Variants in SUGCT observed in about 807,000 individuals in gnomAD.
The protein encoded by SUGCT is succinyl-CoA:glutarate-CoA transferase.
A neutral mutation model predicts 55.0 loss-of-function variants in SUGCT; 41 were observed. That is an observed-to-expected ratio of 0.74 (90% CI 0.58 to 0.97). SUGCT has a LOEUF of 0.97. Among genes scored for constraint, SUGCT ranks in the 50% least tolerant of loss-of-function variants. SUGCT has a pLI of 0.00. For missense variants in SUGCT, 568 were observed against 547.8 expected (o/e 1.04, Z -0.37); for synonymous variants, 187 against 200.4 (o/e 0.93, Z 0.56).
intron 1 of SUGCT, among the ~76,000 whole-genome samples, chr7:40,148,380 C>T (rs776984547): frequency 2.0e-4 from 31 of 152,140 alleles, no homozygotes; most frequent in Non-Finnish European, 1.3e-4. Flanking sequence ...CGCGGTGGCT[C>T]ATGCTTGTAA....
At position 40,430,610 on chromosome 7, in the gene SUGCT, A is replaced by C. The variant is rs1212549451; in HGVS notation, c.817-18677A>C. On this transcript the variant is annotated intron_variant, in intron 9 of 13. Transcript: ENST00000335693. Reference sequence around the variant, plus strand: ...GCATAGATTGTTTTCCCAATCTCTAAGTTGCTGGTCTGTTTTGTTTATGGT... The same window carrying C: ...GCATAGATTGTTTTCCCAATCTCTACGTTGCTGGTCTGTTTTGTTTATGGT... 2.0e-5 allele frequency among the ~76,000 whole-genome samples: 3 copies of C among 152,250 alleles called. No individual in the cohort carries two copies. In the East Asian group the frequency reaches 5.8e-4, roughly 29 times the overall value.
chr7:40,190,123 G>C (rs1269975364), intron 5 of SUGCT, among the ~76,000 whole-genome samples: 2 of 152,088 alleles, frequency 1.3e-5, no homozygotes, highest in Non-Finnish European at 2.9e-5. Flanking sequence ...TTAAATTAAG[G>C]GTGGATACCT....
At chr7:40,759,399 T>C (rs1788424048) in intron 13 of SUGCT, among the ~76,000 whole-genome samples, 1 of 152,206 alleles carries the variant, frequency 6.6e-6, no homozygotes, top group African/African-American at 2.4e-5. Context: ...TGTCTATATA[T>C]GGTATATATA....
Position 40,369,672 on chromosome 7 carries a change from T to G in SUGCT, c.816+52817T>G, listed in dbSNP as rs367734689. Reference sequence around the variant, plus strand: ...AGAGGCATGTAAAGGTTGAATCCAATCTGGATTAGGATTAATGTCAGAGAT... The same window carrying G: ...AGAGGCATGTAAAGGTTGAATCCAAGCTGGATTAGGATTAATGTCAGAGAT... On this transcript the variant is annotated intron_variant, in intron 9 of 13. Transcript: ENST00000335693. Among the ~76,000 whole-genome samples the G allele has an allele frequency of 2.0e-4, 30 of 152,228 alleles. 1 individual carries two copies. The South Asian group carries it at 6.2e-3, about 32-fold the overall frequency.
chr7:40,875,168 A>G, the SUGCT span, among the ~76,000 whole-genome samples: 2 of 152,232 alleles, frequency 1.3e-5, no homozygotes, highest in African/African-American at 2.4e-5. Flanking sequence ...TGTGTCTCAC[A>G]CATCTTTTGT....
intron 12 of SUGCT, among the ~76,000 whole-genome samples, chr7:40,728,486 C>G (rs192700337): frequency 6.6e-6 from 1 of 152,106 alleles, no homozygotes; most frequent in Admixed American, 6.5e-5. Context: ...ACCTTTCACT[C>G]CAGCCTGGGC....
chr7:40,618,337 C>A (rs909337170), intron 12 of SUGCT, among the ~76,000 whole-genome samples: 1 of 152,168 alleles, frequency 6.6e-6, no homozygotes. Flanking sequence ...TTGACTGTCT[C>A]ACAGTCCACA....
chr7:40,295,146 A>G (rs1794039203), intron 8 of SUGCT, among the ~76,000 whole-genome samples: 1 of 152,242 alleles, frequency 6.6e-6, no homozygotes, highest in Non-Finnish European at 1.5e-5. Context: ...TTAACAAAAG[A>G]AATTCATATT....
chr7:40,310,712 T>A (rs1795096904), intron 8 of SUGCT, among the ~76,000 whole-genome samples: 1 of 152,232 alleles, frequency 6.6e-6, no homozygotes, highest in African/African-American at 2.4e-5. Flanking sequence ...GATGCTATAT[T>A]GTTTTGTTGT....
At chr7:40,561,908 T>A (rs1426735722) in intron 12 of SUGCT, among the ~76,000 whole-genome samples, 1 of 147,568 alleles carries the variant, frequency 6.8e-6, no homozygotes, top group African/African-American at 2.5e-5. Flanking sequence ...GTCAGGCTGG[T>A]CTTGAACTCC....
At chr7:40,227,997 C>T (rs1461423086) in intron 6 of SUGCT, among the ~76,000 whole-genome samples, 1 of 152,074 alleles carries the variant, frequency 6.6e-6, no homozygotes, top group Non-Finnish European at 1.5e-5. Context: ...ATTCTCCTGC[C>T]TCAGCCTCCC....
chr7:40,209,587 C>T (rs995570064), intron 6 of SUGCT, among the ~76,000 whole-genome samples: 2 of 152,086 alleles, frequency 1.3e-5, no homozygotes, highest in African/African-American at 2.4e-5. Flanking sequence ...ACCTGAGGTC[C>T]GGAGTTCGAG....
At chr7:40,264,839 C>A (rs944893890) in intron 7 of SUGCT, among the ~76,000 whole-genome samples, 2 of 152,212 alleles carry the variant, frequency 1.3e-5, no homozygotes, top group Non-Finnish European at 2.9e-5. Context: ...CATCTCGTCT[C>A]TCTGCCCTGC....
intron 6 of SUGCT, among the ~76,000 whole-genome samples, chr7:40,201,615 G>T (rs1786607130): frequency 6.6e-6 from 1 of 152,080 alleles, no homozygotes. Context: ...ATTATTTAAA[G>T]AAATAATGAC....
the SUGCT span, among the ~76,000 whole-genome samples, chr7:41,015,192 G>A: frequency 1.4e-4 from 22 of 152,274 alleles, no homozygotes; most frequent in African/African-American, 5.3e-4. Context: ...CGAAGAAGAG[G>A]CTTCATTTTA....
intron 13 of SUGCT, among the ~76,000 whole-genome samples, chr7:40,830,127 A>G (rs902850310): frequency 3.3e-5 from 5 of 151,982 alleles, no homozygotes; most frequent in African/African-American, 4.8e-5. Context: ...TGTGTCCCCA[A>G]CTGCCACCAC....
chr7:40,486,467 T>G (rs145427344), intron 11 of SUGCT, among the ~76,000 whole-genome samples: 50 of 152,254 alleles, frequency 3.3e-4, no homozygotes, highest in African/African-American at 1.2e-3. Context: ...TTCCTATTCA[T>G]TTATTTCTGC....
At chr7:40,522,078 G>A (rs934615622) in intron 12 of SUGCT, among the ~76,000 whole-genome samples, 8 of 152,082 alleles carry the variant, frequency 5.3e-5, no homozygotes, top group Admixed American at 3.3e-4. Context: ...GGCAAGGTAG[G>A]AAGAGGATGA....
At chr7:40,180,265 C>G (rs1272641016) in intron 1 of SUGCT, among the ~76,000 whole-genome samples, 1 of 151,646 alleles carries the variant, frequency 6.6e-6, no homozygotes, top group Non-Finnish European at 1.5e-5. Context: ...ATTACATGCA[C>G]ATCCCACAGT....
Sources: gnomAD v4.1 joint callset for allele counts (sites outside exome capture counted in the v4.1 genomes callset) on GRCh38, gnomAD v4.1.1 for gene constraint, MANE v1.5 for transcripts, NCBI Gene and HGNC (gene_info 2026-07-23, HGNC 2026-07-21) for gene names.